Variants in ATRNL1 observed in about 807,000 individuals in gnomAD.
The protein encoded by ATRNL1 is attractin like 1, also known as attractin-like protein 1.
ATRNL1 carries 95 observed loss-of-function variants against 182.7 expected under a neutral mutation model. The observed-to-expected ratio is 0.52, with a 90% CI of 0.44 to 0.62. The LOEUF (loss-of-function observed/expected upper bound fraction) is 0.62, where lower values mean the gene tolerates loss of function less well. Among genes scored for constraint, ATRNL1 ranks in the 20% least tolerant of loss-of-function variants. The pLI, the probability that ATRNL1 is intolerant of heterozygous loss-of-function variation, is 0.00. For synonymous variants in ATRNL1, 576 were observed against 568.3 expected (o/e 1.01, Z -0.19); for missense variants, 1,471 against 1,679.5 (o/e 0.88, Z 2.17).
intron 26 of ATRNL1, among the ~76,000 whole-genome samples, chr10:115,687,634 G>A (rs1207983722): frequency 1.3e-5 from 2 of 152,008 alleles, no homozygotes; most frequent in Non-Finnish European, 2.9e-5. Flanking sequence ...TTGGAAGCAG[G>A]ATTGCTCCAT....
rs1953881189 is a variant in ATRNL1, at chr10:115,946,567, A to G, written c.*1788A>G. On this transcript the variant is annotated 3_prime_UTR_variant, in exon 29 of 29. Transcript: ENST00000355044. ...CATTAAAAATAAGACAAATTCTTAG[A>G]GTAATTTTAGTAATTTTATCTATAA... 1 of 152,158 alleles carries G rather than the reference A, an allele frequency of 6.6e-6. No individual in the cohort carries two copies. Among genetic ancestry groups the G allele is most frequent in the Non-Finnish European group, 1.5e-5 (1 of 68,002 alleles). The allele number at this position is 152,158 out of a possible 1,614,324, so 9.4% of individuals were successfully genotyped here.
At chr10:115,251,863 A>G (rs1234455938) in intron 10 of ATRNL1, among the ~76,000 whole-genome samples, 1 of 152,202 alleles carries the variant, frequency 6.6e-6, no homozygotes, top group Non-Finnish European at 1.5e-5. Flanking sequence ...CTTGTCAGAA[A>G]GGAAAATCCT....
chr10:115,935,216 G>A (rs1189770533), intron 28 of ATRNL1, among the ~76,000 whole-genome samples: 1 of 152,114 alleles, frequency 6.6e-6, no homozygotes, highest in African/African-American at 2.4e-5. Context: ...AACACTGCCT[G>A]CAACATGCCC....
intron 26 of ATRNL1, among the ~76,000 whole-genome samples, chr10:115,604,728 C>G (rs1237294747): frequency 5.3e-5 from 8 of 152,070 alleles, no homozygotes; most frequent in African/African-American, 1.7e-4. Flanking sequence ...TATTTGTTTC[C>G]CTTCTCTAAA....
intron 28 of ATRNL1, among the ~76,000 whole-genome samples, chr10:115,937,111 A>T (rs1953583408): frequency 6.6e-6 from 1 of 152,238 alleles, no homozygotes; most frequent in African/African-American, 2.4e-5. Context: ...CATTCTACCC[A>T]ATGAGAGAAC....
chr10:115,167,235 C>G (rs1208852212), intron 7 of ATRNL1, among the ~76,000 whole-genome samples: 4 of 151,338 alleles, frequency 2.6e-5, no homozygotes, highest in African/African-American at 9.7e-5. Context: ...TTTCTGGACT[C>G]TCTATTTTAT....
intron 28 of ATRNL1, among the ~76,000 whole-genome samples, chr10:115,924,865 C>A (rs1393932430): frequency 6.6e-6 from 1 of 152,150 alleles, no homozygotes; most frequent in African/African-American, 2.4e-5. Flanking sequence ...GATATTGATT[C>A]TTCCTATCCA....
At chr10:115,715,169 T>C (rs1283100235) in intron 26 of ATRNL1, among the ~76,000 whole-genome samples, 1 of 152,158 alleles carries the variant, frequency 6.6e-6, no homozygotes, top group Non-Finnish European at 1.5e-5. Flanking sequence ...TAAAAATATA[T>C]ACAAAGTACA....
At chr10:115,578,154 C>T (rs572134987) in intron 26 of ATRNL1, among the ~76,000 whole-genome samples, 31 of 151,750 alleles carry the variant, frequency 2.0e-4, no homozygotes, top group African/African-American at 6.5e-4. Context: ...ATTTAGTTTG[C>T]GAGTTTTTTG....
chr10:115,430,369 T>C (rs1846100013), intron 21 of ATRNL1, among the ~76,000 whole-genome samples: 1 of 152,140 alleles, frequency 6.6e-6, no homozygotes, highest in Non-Finnish European at 1.5e-5. Context: ...TTCCTTCTCA[T>C]ATACTGTTTG....
chr10:115,719,062 A>T (rs1947339849), intron 26 of ATRNL1, among the ~76,000 whole-genome samples: 2 of 152,218 alleles, frequency 1.3e-5, no homozygotes, highest in Non-Finnish European at 2.9e-5. Flanking sequence ...GCAAACTATC[A>T]CATTTTTCTA....
chr10:115,145,968 A>G (rs1166971335), intron 5 of ATRNL1, among the ~76,000 whole-genome samples: 2 of 152,096 alleles, frequency 1.3e-5, no homozygotes, highest in Non-Finnish European at 2.9e-5. Flanking sequence ...TTTTCCCTTA[A>G]GCTAGCCAAA....
At chr10:115,420,167 C>T (rs1202120667) in intron 20 of ATRNL1, among the ~76,000 whole-genome samples, 2 of 151,586 alleles carry the variant, frequency 1.3e-5, no homozygotes, top group East Asian at 3.9e-4. Flanking sequence ...CCTTGGCTTC[C>T]TGAGTTGCTG....
At chr10:115,779,847 A>G (rs868928284) in intron 27 of ATRNL1, among the ~76,000 whole-genome samples, 6 of 152,330 alleles carry the variant, frequency 3.9e-5, no homozygotes, top group Non-Finnish European at 7.3e-5. Context: ...AACTAGTATG[A>G]AACATATTGT....
intron 27 of ATRNL1, among the ~76,000 whole-genome samples, chr10:115,817,281 T>C (rs1335662335): frequency 6.6e-6 from 1 of 152,096 alleles, no homozygotes; most frequent in African/African-American, 2.4e-5. Context: ...TCCTGTACTA[T>C]TTAAAAATTT....
chr10:115,856,158 G>A (rs1202337099), intron 28 of ATRNL1, among the ~76,000 whole-genome samples: 5 of 152,034 alleles, frequency 3.3e-5, no homozygotes, highest in Non-Finnish European at 7.4e-5. Context: ...ACCAGGCACG[G>A]TAGCTCATGC....
Position 115,947,512 on chromosome 10 carries a change from G to A in ATRNL1, c.*2733G>A, listed in dbSNP as rs1486414515. 1 of 152,544 alleles carries A rather than the reference G, an allele frequency of 6.6e-6. No homozygotes were observed. The highest frequency in any genetic ancestry group is 1.9e-4 in the East Asian group (1 of 5,202). 9.4% of individuals were successfully genotyped at this position (152,544 alleles called of 1,614,324 possible). Reference sequence around the variant, plus strand: ...GAAAATTCCTATTGGAAAAGAATTTGCACATACTTACAGATTCAGCTAATA... The same window carrying A: ...GAAAATTCCTATTGGAAAAGAATTTACACATACTTACAGATTCAGCTAATA... On this transcript the variant is annotated 3_prime_UTR_variant, in exon 29 of 29. Coordinates refer to ENST00000355044, the MANE Select transcript of ATRNL1 (RefSeq NM_207303.4).
Position 115,544,965 on chromosome 10 carries a change from T to C in ATRNL1, c.3717-4493T>C, listed in dbSNP as rs185214525. ...GTGTTCTTAAACTGTTTTTTGTTTG[T>C]ATGTATATTTTTTAAGAGAACTGTC... On this transcript the variant is annotated intron_variant, in intron 25 of 28. Transcript: ENST00000355044. 1.6e-4 allele frequency among the ~76,000 whole-genome samples: 24 copies of C among 152,302 alleles called. No individual in the cohort carries two copies. In the East Asian group the frequency reaches 4.1e-3, roughly 26 times the overall value.
intron 26 of ATRNL1, among the ~76,000 whole-genome samples, chr10:115,637,613 T>TATC (rs1166097272): frequency 6.8e-6 from 1 of 146,770 alleles, no homozygotes; most frequent in Non-Finnish European, 1.5e-5. Flanking sequence ...CTATTATTAT[T>TATC]ATTATTATTA....
Sources: allele counts gnomAD v4.1 joint callset (sites outside exome capture counted in the v4.1 genomes callset), GRCh38; gene constraint gnomAD v4.1.1; transcripts MANE v1.5; gene names NCBI Gene and HGNC (gene_info 2026-07-23, HGNC 2026-07-21).